Variants in TRAK2 observed in about 807,000 individuals in gnomAD.
TRAK2 encodes the protein trafficking kinesin-binding protein 2.
In TRAK2, 81 loss-of-function variants were observed where a neutral mutation model predicts 104.6. The observed-to-expected ratio is 0.77, with a 90% CI of 0.65 to 0.93. The LOEUF is 0.93. Among genes scored for constraint, TRAK2 ranks in the 40% least tolerant of loss-of-function variants. The probability of loss-of-function intolerance (pLI) is 0.00; values close to 1 mark genes in which losing one functional copy is unlikely to be tolerated. For missense variants in TRAK2, 1,002 were observed against 1,089.0 expected (o/e 0.92, Z 1.12); for synonymous variants, 406 against 394.4 (o/e 1.03, Z -0.35).
chr2:201,416,208 G>A (rs1364008190), intron 2 of TRAK2, among the ~76,000 whole-genome samples: 1 of 117,440 alleles, frequency 8.5e-6, no homozygotes, highest in East Asian at 2.7e-4. Context: ...GCAACATAGT[G>A]AAACCCTGAC....
chr2:201,396,235 C>A (rs1322449097), intron 7 of TRAK2, among the ~76,000 whole-genome samples: 1 of 152,150 alleles, frequency 6.6e-6, no homozygotes, highest in Non-Finnish European at 1.5e-5. Flanking sequence ...TCTGAGAGCT[C>A]TTGGGCAAGT....
At chr2:201,403,485 A>G (rs1951566731) in intron 3 of TRAK2, among the ~76,000 whole-genome samples, 1 of 152,174 alleles carries the variant, frequency 6.6e-6, no homozygotes, top group Admixed American at 6.6e-5. Flanking sequence ...CCGCAGCCCC[A>G]CTAAGAACAT....
At chr2:201,401,308 A>G (rs1210504725) in intron 3 of TRAK2, among the ~76,000 whole-genome samples, 3 of 152,112 alleles carry the variant, frequency 2.0e-5, no homozygotes, top group Non-Finnish European at 4.4e-5. Context: ...ATACCACACA[A>G]TAATTAAGAA....
At chr2:201,389,116 C>CA (rs34090969) in intron 12 of TRAK2, among the ~76,000 whole-genome samples, 184 bp downstream of exon 12, 2 of 152,070 alleles carry the variant, frequency 1.3e-5, no homozygotes, top group South Asian at 2.1e-4. Context: ...CAAACAGATT[C>CA]AAAAAAATTT....
intron 2 of TRAK2, among the ~76,000 whole-genome samples, chr2:201,415,893 C>A (rs572341795): frequency 6.6e-6 from 1 of 152,008 alleles, no homozygotes; most frequent in African/African-American, 2.4e-5. Context: ...AAGAAAACCA[C>A]ATCAAAGCAA....
At chr2:201,417,241 C>CAAAAAAAAAAAAAAAAAGAA (rs1951700430) in intron 2 of TRAK2, among the ~76,000 whole-genome samples, 1 of 88,432 alleles carries the variant, frequency 1.1e-5, no homozygotes, top group Non-Finnish European at 2.2e-5. Context: ...GAAGACATTG[C>CAAAAAAAAAAAAAAAAAGAA]AAAAAAAAAA....
chr2:201,409,273 T>C (rs1045987541), intron 2 of TRAK2, among the ~76,000 whole-genome samples: 5 of 151,796 alleles, frequency 3.3e-5, no homozygotes, highest in Middle Eastern at 3.2e-3. Context: ...ACTCTATCAA[T>C]GTCAGCTTTT....
chr2:201,417,021 G>A (rs575631333), intron 2 of TRAK2, among the ~76,000 whole-genome samples: 11 of 140,644 alleles, frequency 7.8e-5, no homozygotes, highest in Non-Finnish European at 1.6e-5. Context: ...TTTCTTTTTA[G>A]AAAAGACCCC....
intron 9 of TRAK2, among the ~76,000 whole-genome samples, 162 bp from the exon 10 acceptor site, chr2:201,393,208 G>A (rs183445427): frequency 9.9e-5 from 15 of 151,756 alleles, no homozygotes; most frequent in Non-Finnish European, 1.9e-4. Flanking sequence ...AGCAAGAAGC[G>A]TATATATATA....
intron 15 of TRAK2, 62 bp downstream of exon 15, chr2:201,384,049 G>A: frequency 1.9e-6 from 2 of 1,066,464 alleles, no homozygotes; most frequent in Non-Finnish European, 2.8e-6. Flanking sequence ...ATTTTAAAAA[G>A]AAATTCATGA....
In TRAK2 at chr2:201,387,741, A is replaced by T; in HGVS notation, c.1658T>A (p.Phe553Tyr). Residue 553 changes from phenylalanine to tyrosine, a missense_variant, in exon 13 of 16, where the codon TTT (phenylalanine) becomes TAT (tyrosine). Physicochemically the swap from Phe to Tyr is conservative, Grantham distance 22. Coordinates refer to ENST00000332624, the MANE Select transcript of TRAK2 (RefSeq NM_015049.3). ...DLSSASCLRG[F>Y]MPEKLQIVKP... ...GACAATTTGTAATTTTTCTGGCATA[A>T]AACCTCGAAGGCAACTGGCACTGCT... 1 of 1,611,592 alleles carries T rather than the reference A, an allele frequency of 6.2e-7. No homozygotes were observed. Among genetic ancestry groups the T allele is most frequent in the Non-Finnish European group, 8.5e-7 (1 of 1,178,414 alleles).
chr2:201,377,492 T>A lies in TRAK2; in HGVS notation c.*3051A>T, dbSNP rs1951299293. The A allele has an allele frequency of 1.3e-5, 2 of 152,308 alleles. No homozygotes were observed. The highest frequency in any genetic ancestry group is 1.3e-4 in the Admixed American group (2 of 15,280). 9.4% of individuals were successfully genotyped at this position (152,308 alleles called of 1,614,324 possible). ...ACACTAAGAGCCCTAGTTCTAGATG[T>A]CACAAGTTGATGTTAGTAACCACCA... On this transcript the variant is annotated 3_prime_UTR_variant, in exon 16 of 16. Transcript: ENST00000332624.
At chr2:201,397,945 C>G in intron 6 of TRAK2, 200 bp downstream of exon 6, 1 of 561,018 alleles carries the variant, frequency 1.8e-6, no homozygotes. Flanking sequence ...CACTATTGTA[C>G]TGTCAACCTG....
intron 2 of TRAK2, chr2:201,413,396 C>A (rs1378809150): frequency 1.7e-6 from 1 of 585,712 alleles, no homozygotes; most frequent in Non-Finnish European, 2.9e-6. Context: ...CCCCCCTAAA[C>A]ACAGGCTGTT....
chr2:201,383,650 C>T (rs1951362933), intron 15 of TRAK2, among the ~76,000 whole-genome samples: 1 of 152,156 alleles, frequency 6.6e-6, no homozygotes, highest in African/African-American at 2.4e-5. Flanking sequence ...TGTATTCGTT[C>T]CTTGTAATAC....
intron 13 of TRAK2, 105 bp downstream of exon 13, chr2:201,387,598 C>T (rs1951403297): frequency 3.3e-6 from 4 of 1,194,852 alleles, no homozygotes; most frequent in Non-Finnish European, 3.5e-6. Flanking sequence ...ATAAAAAGAT[C>T]ATCTGCACAT....
chr2:201,423,883 T>C (rs985316472), intron 1 of TRAK2, among the ~76,000 whole-genome samples: 2 of 152,230 alleles, frequency 1.3e-5, no homozygotes, highest in African/African-American at 2.4e-5. Flanking sequence ...ATATTTTATA[T>C]ACATAACTAT....
At chr2:201,412,899 G>A (rs1951660337) in intron 2 of TRAK2, 2 of 793,810 alleles carry the variant, frequency 2.5e-6, no homozygotes, top group Non-Finnish European at 4.6e-6. Flanking sequence ...GAGATATAGG[G>A]AAAGGGAGAT....
At chr2:201,442,035 A>G (rs760973312) in intron 1 of TRAK2, among the ~76,000 whole-genome samples, 1 of 151,430 alleles carries the variant, frequency 6.6e-6, no homozygotes, top group Non-Finnish European at 1.5e-5. Context: ...TTTTGTTTCA[A>G]CTTACACCAC....
Sources: gnomAD v4.1 joint callset for allele counts (sites outside exome capture counted in the v4.1 genomes callset) on GRCh38, gnomAD v4.1.1 for gene constraint, MANE v1.5 for transcripts, NCBI Gene and HGNC (gene_info 2026-07-23, HGNC 2026-07-21) for gene names.